The following ANKRD33B variants were observed in gnomAD, a reference collection of about 807,000 sequenced individuals.
ANKRD33B encodes the protein ankyrin repeat domain-containing protein 33B.
In ANKRD33B, 6 loss-of-function variants were observed where a neutral mutation model predicts 21.5. The ratio of observed to expected loss-of-function variants is 0.28; its 90% CI spans 0.15 to 0.55. The LOEUF is 0.55. Ranked by LOEUF, ANKRD33B falls within the 20% of genes least tolerant of loss-of-function variation. The pLI is 0.94. For missense variants in ANKRD33B, 698 were observed against 747.2 expected, an observed-to-expected ratio of 0.93 and a Z score of 0.77; for synonymous variants, 347 against 342.4, an observed-to-expected ratio of 1.01 and a Z score of -0.15.
chr5:10,611,191 T>G (rs1736164484), intron 1 of ANKRD33B, among the ~76,000 whole-genome samples: 1 of 152,216 alleles, frequency 6.6e-6, no homozygotes, highest in Non-Finnish European at 1.5e-5. Flanking sequence ...AAAAAGGCAT[T>G]TCAACTTTTT....
chr5:10,590,748 C>T (rs1735667832), intron 1 of ANKRD33B, among the ~76,000 whole-genome samples: 1 of 152,056 alleles, frequency 6.6e-6, no homozygotes, highest in African/African-American at 2.4e-5. Context: ...AGAGTATGAC[C>T]AACTCTGCTT....
intron 1 of ANKRD33B, among the ~76,000 whole-genome samples, chr5:10,587,348 G>C (rs912324748): frequency 7.2e-5 from 11 of 152,078 alleles, no homozygotes; most frequent in African/African-American, 2.4e-4. Context: ...TGATCCGCCT[G>C]CTTCAGCTTC....
At position 10,650,033 on chromosome 5, in the gene ANKRD33B, AAGGCAGAGGAGGCCGAAAAGAAGCGCC is replaced by A; in HGVS notation, c.1410_1436del (p.Glu472_Glu480del). On this transcript the variant is annotated inframe_deletion, in exon 4 of 4. Coordinates refer to ENST00000296657, the MANE Select transcript of ANKRD33B (RefSeq NM_001164440.2). ...CAAGGAGGCCAAGGAGGAGAAGAGG[AAGGCAGAGGAGGCCGAAAAGAAGCGCC>A]AGGCCGAGGCGCAGAAGGAGAGGCG... The A allele has an allele frequency of 6.5e-7, 1 of 1,532,576 alleles. No homozygotes were observed. The highest frequency in any genetic ancestry group is 8.7e-7 in the Non-Finnish European group (1 of 1,144,270). 94.9% of individuals were successfully genotyped at this position (1,532,576 alleles called of 1,614,324 possible).
chr5:10,647,880 C>G (rs1203915307), intron 3 of ANKRD33B, among the ~76,000 whole-genome samples: 1 of 152,214 alleles, frequency 6.6e-6, no homozygotes, highest in Non-Finnish European at 1.5e-5. Context: ...TTAGAGTCAA[C>G]TGATTATAGA....
In ANKRD33B at chr5:10,576,736, A is replaced by G. The variant is rs1298300509; in HGVS notation, c.366+11903A>G. Among the ~76,000 whole-genome samples the G allele has an allele frequency of 1.3e-5, 2 of 152,244 alleles. No homozygotes were observed. Among genetic ancestry groups the G allele is most frequent in the Non-Finnish European group, 2.9e-5 (2 of 68,048 alleles). ...TGCTAGTTCCATTTTAGCCAAGGGGAAAAGTGGAAGCAAATTGAATGTTTA... is the reference window on the plus strand; with the variant it reads ...TGCTAGTTCCATTTTAGCCAAGGGGGAAAGTGGAAGCAAATTGAATGTTTA... On this transcript the variant is annotated intron_variant, in intron 1 of 3. Transcript: ENST00000296657. The surrounding 1 kb of genome is among the most constrained non-coding windows in gnomAD (Gnocchi z 4.1).
intron 1 of ANKRD33B, 92 bp downstream of exon 1, chr5:10,564,925 C>G: frequency 7.1e-7 from 1 of 1,404,518 alleles, no homozygotes; most frequent in South Asian, 1.5e-5. Flanking sequence ...CTCCTGGCTC[C>G]GGACCGGTCC....
chr5:10,640,809 T>C (rs981228411), intron 3 of ANKRD33B, among the ~76,000 whole-genome samples: 1 of 152,196 alleles, frequency 6.6e-6, no homozygotes, highest in Non-Finnish European at 1.5e-5. Flanking sequence ...TGCTCACACT[T>C]GGGGAGGCTG....
chr5:10,641,646 A>T (rs1228139747), intron 3 of ANKRD33B, among the ~76,000 whole-genome samples: 2 of 152,046 alleles, frequency 1.3e-5, no homozygotes, highest in Admixed American at 6.6e-5. Context: ...GTTTTTCTCG[A>T]GATCAATCTG....
intron 1 of ANKRD33B, among the ~76,000 whole-genome samples, chr5:10,579,773 A>C (rs1220694246): frequency 6.6e-6 from 1 of 152,196 alleles, no homozygotes; most frequent in Admixed American, 6.5e-5. Context: ...AAAGCATAGT[A>C]AAAGGAAGCA....
Position 10,580,281 on chromosome 5 carries a change from G to A in ANKRD33B, c.366+15448G>A, listed in dbSNP as rs1034354378. On this transcript the variant is annotated intron_variant, in intron 1 of 3. Transcript: ENST00000296657. ...GAGCCCTAAGTCTGACTCATTCTGT[G>A]TTGAGCGTTGGGCCACACTGTCTGC... Among the ~76,000 whole-genome samples, 20 of 152,370 alleles carry A rather than the reference G, an allele frequency of 1.3e-4. No individual in the cohort carries two copies. The East Asian group carries it at 1.7e-3, about 13-fold the overall frequency.
rs150132969 is a variant in ANKRD33B at position 10,572,937 on chromosome 5, T to A, written c.366+8104T>A. Among the ~76,000 whole-genome samples, 741 of 152,324 alleles carry A rather than the reference T, an allele frequency of 4.9e-3. 4 individuals are homozygous for A. Among genetic ancestry groups the A allele is most frequent in the African/African-American group, 0.017 (717 of 41,572 alleles). ...CTTCATTCCCATCTGATCAGATGCC[T>A]ACTTCTGATCTGAGTTTCATCAGAC... On this transcript the variant is annotated intron_variant, in intron 1 of 3. Transcript: ENST00000296657.
chr5:10,647,113 T>C (rs1324284282), intron 3 of ANKRD33B, among the ~76,000 whole-genome samples: 2 of 152,156 alleles, frequency 1.3e-5, no homozygotes, highest in African/African-American at 4.8e-5. Context: ...TCAATGATTT[T>C]TTTTTTTTTG....
chr5:10,634,480 G>C (rs1322106543), intron 2 of ANKRD33B, among the ~76,000 whole-genome samples: 2 of 105,824 alleles, frequency 1.9e-5, no homozygotes, highest in Non-Finnish European at 4.4e-5. Flanking sequence ...TTTTTTTTGA[G>C]ACAGGGTCTC....
In ANKRD33B at chr5:10,655,432, C is replaced by T. The variant is rs1488093701; in HGVS notation, c.*5319C>T. On this transcript the variant is annotated 3_prime_UTR_variant, in exon 4 of 4. Coordinates refer to ENST00000296657, the MANE Select transcript of ANKRD33B (RefSeq NM_001164440.2). Reference sequence around the variant, plus strand: ...GCCTCCAAGAGCACTACACTCCCCCCAGCCCCACCGGCCACACTACATGAC... The same window carrying T: ...GCCTCCAAGAGCACTACACTCCCCCTAGCCCCACCGGCCACACTACATGAC... The T allele has an allele frequency of 6.6e-6, 1 of 152,418 alleles. No individual in the cohort carries two copies. The highest frequency in any genetic ancestry group is 1.5e-5 in the Non-Finnish European group (1 of 68,070). 9.4% of individuals were successfully genotyped at this position (152,418 alleles called of 1,614,324 possible).
In ANKRD33B at chr5:10,581,544, C is replaced by G. The variant is rs115550639; in HGVS notation, c.366+16711C>G. On this transcript the variant is annotated intron_variant, in intron 1 of 3. Coordinates refer to ENST00000296657, the MANE Select transcript of ANKRD33B (RefSeq NM_001164440.2). ...GTTTCCCTTCCTTTGTTCCATGAGGCACTTTTCATAGGCTGGCCTCTTTAC... is the reference window on the plus strand; with the variant it reads ...GTTTCCCTTCCTTTGTTCCATGAGGGACTTTTCATAGGCTGGCCTCTTTAC... 7.9e-3 allele frequency among the ~76,000 whole-genome samples: 1,209 copies of G among 152,316 alleles called. 16 individuals are homozygous for G. Among genetic ancestry groups the G allele is most frequent in the African/African-American group, 0.027 (1,133 of 41,570 alleles).
intron 1 of ANKRD33B, among the ~76,000 whole-genome samples, chr5:10,613,743 T>C (rs1736222937): frequency 6.6e-6 from 1 of 151,634 alleles, no homozygotes; most frequent in African/African-American, 2.4e-5. Context: ...CTACTAAAAA[T>C]ACAAAAATTG....
At chr5:10,616,682 C>G (rs985864573) in intron 1 of ANKRD33B, among the ~76,000 whole-genome samples, 1 of 152,008 alleles carries the variant, frequency 6.6e-6, no homozygotes, top group Non-Finnish European at 1.5e-5. Context: ...AAGAGTGACA[C>G]TTGATTGCCT....
chr5:10,586,533 G>A (rs1033198958), intron 1 of ANKRD33B, among the ~76,000 whole-genome samples: 176 of 123,618 alleles, frequency 1.4e-3, no homozygotes, highest in African/African-American at 5.3e-3. Context: ...GTGTGTGTGT[G>A]TATACTGCTT....
chr5:10,647,248 G>A (rs951330295), intron 3 of ANKRD33B, among the ~76,000 whole-genome samples: 1 of 151,594 alleles, frequency 6.6e-6, no homozygotes, highest in Non-Finnish European at 1.5e-5. Context: ...GGGATTACAG[G>A]TGCCTGCCAC....
Sources: allele counts gnomAD v4.1 joint callset (sites outside exome capture counted in the v4.1 genomes callset), GRCh38; gene constraint gnomAD v4.1.1; non-coding constraint Gnocchi (gnomAD v3.1); transcripts MANE v1.5; gene names NCBI Gene and HGNC (gene_info 2026-07-23, HGNC 2026-07-21).